LARS2: variants seen among roughly 807,000 people sequenced by gnomAD.
LARS2 encodes the protein leucine--tRNA ligase, mitochondrial.
LARS2 carries 81 observed loss-of-function variants against 116.6 expected under a neutral mutation model. The ratio of observed to expected loss-of-function variants is 0.69; its 90% confidence interval spans 0.58 to 0.84. The LOEUF is 0.84. LARS2 is among the 40% of genes least tolerant of loss of function. LARS2 has a pLI of 0.00. For synonymous variants in LARS2, 396 were observed against 407.2 expected, an observed-to-expected ratio of 0.97 and a Z score of 0.33; for missense variants, 968 against 1,114.5, an observed-to-expected ratio of 0.87 and a Z score of 1.87.
chr3:45,428,239 GTTTTTTTTTTTT>G (rs35323496), intron 6 of LARS2, among the ~76,000 whole-genome samples: 7 of 84,190 alleles, frequency 8.3e-5, no homozygotes, highest in Non-Finnish European at 1.0e-4. Context: ...ATCTTAACCT[GTTTTTTTTTTTT>G]TTTTTTTTTT....
chr3:45,493,112 T>C (rs1699951671), intron 13 of LARS2, among the ~76,000 whole-genome samples: 1 of 151,996 alleles, frequency 6.6e-6, no homozygotes, highest in African/African-American at 2.4e-5. Context: ...GATCTTTTTT[T>C]TTTTTGAGAT....
chr3:45,531,496 G>C (rs1700614054), intron 20 of LARS2, among the ~76,000 whole-genome samples: 1 of 152,004 alleles, frequency 6.6e-6, no homozygotes, highest in African/African-American at 2.4e-5. Flanking sequence ...TCGTGCCTCA[G>C]CCTCCCAAGT....
chr3:45,486,762 A>C (rs1339417360), intron 11 of LARS2, among the ~76,000 whole-genome samples: 1 of 152,334 alleles, frequency 6.6e-6, no homozygotes, highest in Admixed American at 6.5e-5. Context: ...GCATTTTACA[A>C]TTAGTAAAAT....
intron 10 of LARS2, chr3:45,484,117 G>A (rs902478197): frequency 1.3e-5 from 2 of 151,426 alleles, no homozygotes; most frequent in Admixed American, 6.6e-5. Flanking sequence ...TGAGGTGGGA[G>A]GATCAGGGTG....
chr3:45,406,476 A>G (rs1190004368), intron 4 of LARS2, among the ~76,000 whole-genome samples: 1 of 152,180 alleles, frequency 6.6e-6, no homozygotes, highest in East Asian at 1.9e-4. Context: ...AATACATCCC[A>G]TTGAAATGAG....
At chr3:45,469,633 T>A (rs1249502754) in intron 8 of LARS2, among the ~76,000 whole-genome samples, 2 of 152,016 alleles carry the variant, frequency 1.3e-5, no homozygotes, top group Non-Finnish European at 1.5e-5. Flanking sequence ...GGTGAGTCAC[T>A]GTGCCCGGCC....
chr3:45,491,731 C>A lies in LARS2; in HGVS notation c.1454C>A (p.Ala485Glu), dbSNP rs769111264. The change falls in exon 13 of 22, where the codon GCG (alanine) becomes GAG (glutamate). Residue 485 changes from alanine (A) to glutamate (E), a missense_variant. Transcript: ENST00000645846. ...EDLPVTLPNIASFTGKGGPPL... is the reference protein window; with the variant it reads ...EDLPVTLPNIESFTGKGGPPL... ...TTGCCTGTGACCCTGCCCAACATCG[C>A]GTCTTTCACTGGCAAGGGAGGCCCC... The A allele has an allele frequency of 1.2e-6, 2 of 1,613,782 alleles. No homozygotes were observed. Among genetic ancestry groups the A allele is most frequent in the Non-Finnish European group, 1.7e-6 (2 of 1,179,730 alleles).
intron 6 of LARS2, among the ~76,000 whole-genome samples, chr3:45,432,482 A>T (rs537582119): frequency 2.6e-5 from 4 of 152,236 alleles, no homozygotes; most frequent in Non-Finnish European, 5.9e-5. Context: ...AGAAATCAGT[A>T]ACAGGAGGAA....
In LARS2 at chr3:45,388,590, A is replaced by G. The variant is rs1196154338; in HGVS notation, c.-178A>G. 1 of 152,330 alleles carries G rather than the reference A, an allele frequency of 6.6e-6. No individual in the cohort carries two copies. Among genetic ancestry groups the G allele is most frequent in the Non-Finnish European group, 1.5e-5 (1 of 68,156 alleles). The allele number at this position is 152,330 out of a possible 1,614,324, so 9.4% of individuals were successfully genotyped here. A position where few individuals can be genotyped will look rare whatever the true frequency, so the allele number is the denominator to read the frequency against. ...TCGATAAAGTTGCTGTTTTGACAAC[A>G]TGGCGGCGCCCATGGTCCGTGGCCC... On this transcript the variant is annotated 5_prime_UTR_variant, in exon 1 of 22. The change abolishes an upstream ATG in the 5' untranslated region. Coordinates refer to ENST00000645846, the MANE Select transcript of LARS2 (RefSeq NM_015340.4).
chr3:45,496,138 C>T (rs756861301), intron 13 of LARS2, 137 bp from the exon 14 acceptor site: 18 of 654,292 alleles, frequency 2.8e-5, no homozygotes, highest in Admixed American at 7.4e-5. Context: ...GGATTACAAG[C>T]GTGAGCCACC....
intron 15 of LARS2, among the ~76,000 whole-genome samples, chr3:45,503,718 C>T (rs1700156850): frequency 6.6e-6 from 1 of 151,308 alleles, no homozygotes; most frequent in African/African-American, 2.4e-5. Context: ...TTGTTTACTA[C>T]AACATCCTTT....
intron 3 of LARS2, among the ~76,000 whole-genome samples, chr3:45,398,225 G>A (rs1698084547): frequency 1.3e-5 from 2 of 152,252 alleles, no homozygotes; most frequent in South Asian, 4.1e-4. Context: ...TTTTTGCCAC[G>A]TGCTAATGGT....
At chr3:45,487,439 C>G (rs939843797) in intron 11 of LARS2, among the ~76,000 whole-genome samples, 1 of 152,140 alleles carries the variant, frequency 6.6e-6, no homozygotes, top group Non-Finnish European at 1.5e-5. Context: ...CATTCAACCA[C>G]TGTTTTAGGG....
intron 4 of LARS2, among the ~76,000 whole-genome samples, chr3:45,415,867 A>G (rs1265384467): frequency 4.5e-5 from 6 of 132,048 alleles, no homozygotes; most frequent in Admixed American, 4.5e-4. Context: ...AAAAATATAT[A>G]TATATATATA....
At position 45,516,549 on chromosome 3, in the gene LARS2, C is replaced by T. The variant is rs994072496; in HGVS notation, c.2044+273C>T. Among the ~76,000 whole-genome samples the T allele has an allele frequency of 2.6e-5, 4 of 152,162 alleles. No individual in the cohort carries two copies. The East Asian group carries it at 5.8e-4, about 22-fold the overall frequency. On this transcript the variant is annotated intron_variant, in intron 17 of 21. Transcript: ENST00000645846. ...TGCTGACACAGCCTCCAGAATGGGG[C>T]TCAGGAGGTGGCCTTTGAACAAGCT...
chr3:45,427,922 A>C (rs531000662), intron 6 of LARS2, among the ~76,000 whole-genome samples: 1 of 151,178 alleles, frequency 6.6e-6, no homozygotes, highest in South Asian at 2.1e-4. Context: ...CCCTCATTGA[A>C]GCAATTCTCC....
At chr3:45,543,319 A>G (rs145562990) in intron 21 of LARS2, among the ~76,000 whole-genome samples, 20 of 151,952 alleles carry the variant, frequency 1.3e-4, no homozygotes, top group African/African-American at 4.8e-4. Context: ...GATTATTATT[A>G]TTATTTAATA....
chr3:45,518,536 C>T (rs1174788427), intron 18 of LARS2, among the ~76,000 whole-genome samples: 1 of 152,160 alleles, frequency 6.6e-6, no homozygotes, highest in Non-Finnish European at 1.5e-5. Flanking sequence ...AGATGATGTC[C>T]AGATATCTTG....
At chr3:45,533,940 T>C (rs909292411) in intron 20 of LARS2, among the ~76,000 whole-genome samples, 2 of 152,252 alleles carry the variant, frequency 1.3e-5, no homozygotes, top group African/African-American at 2.4e-5. Context: ...AGATTGAACC[T>C]TAGTTTTGCT....
Sources: gnomAD v4.1 joint callset for allele counts (sites outside exome capture counted in the v4.1 genomes callset) on GRCh38, gnomAD v4.1.1 for gene constraint, MANE v1.5 for transcripts, NCBI Gene and HGNC (gene_info 2026-07-23, HGNC 2026-07-21) for gene names.